Variants in TMEM59L observed in about 807,000 individuals in gnomAD.
TMEM59L encodes transmembrane protein 59-like.
Under a neutral mutation model 39.6 loss-of-function variants are expected in TMEM59L, and 31 were observed. The observed-to-expected ratio is 0.78, with a 90% CI of 0.59 to 1.06. The LOEUF (loss-of-function observed/expected upper bound fraction) is 1.06, where lower values mean the gene tolerates loss of function less well. TMEM59L is among the 50% of genes least tolerant of loss of function. The pLI is 0.00. For synonymous variants in TMEM59L, 219 were observed against 202.9 expected (o/e 1.08, Z -0.68); for missense variants, 441 against 451.3 (o/e 0.98, Z 0.21).
Position 18,613,925 on chromosome 19 carries a change from C to A in TMEM59L, c.225C>A (p.Ser75Arg). 1 of 1,613,126 alleles carries A rather than the reference C, an allele frequency of 6.2e-7. No individual in the cohort carries two copies. The highest frequency in any genetic ancestry group is 1.1e-5 in the South Asian group (1 of 91,078). ...CCTATGACAGAGCCGTTCTGATCAG[C>A]GCTTGCGAGCGTGGCTGCCGCCTCT... is the stretch of plus-strand genomic sequence containing the variant. ...ESPYDRAVLI[S>R]ACERGCRLFS... Residue 75 changes from serine (S) to arginine (R), a missense_variant, in exon 2 of 8, where the codon AGC becomes AGA. Coordinates refer to ENST00000262817, the MANE Select transcript of TMEM59L (RefSeq NM_012109.3).
Position 18,618,467 on chromosome 19 carries a change from C to A in TMEM59L, c.875C>A (p.Ala292Glu). Residue 292 changes from alanine to glutamate, a missense_variant, in exon 7 of 8, where the codon GCG becomes GAG. By Grantham distance (107) the Ala-to-Glu change is moderately radical. Transcript: ENST00000262817. ...LWLSCSTLVTAPGQHLKFQPL... is the reference protein window; with the variant it reads ...LWLSCSTLVTEPGQHLKFQPL... ...CTGAGCTGCTCCACCCTGGTGACCG[C>A]GCCTGGCCAGCACCTCAAGTTCCAG... 6.2e-7 allele frequency: 1 copy of A among 1,604,878 alleles called. No homozygotes were observed. Among genetic ancestry groups the A allele is most frequent in the Non-Finnish European group, 8.5e-7 (1 of 1,177,916 alleles).
chr19:18,613,191 G>T, intron 1 of TMEM59L, 62 bp downstream of exon 1: 2 of 1,238,280 alleles, frequency 1.6e-6, no homozygotes, highest in Non-Finnish European at 2.0e-6. Context: ...AGGAGGAGGC[G>T]TTGGGATGGG....
intron 5 of TMEM59L, chr19:18,617,606 C>T (rs1186304489): frequency 6.6e-6 from 3 of 455,990 alleles, no homozygotes; most frequent in South Asian, 3.1e-5. Context: ...TAGGGTCCAT[C>T]TCCAAGGGTT....
At chr19:18,618,515 G>A (rs370701150) in intron 7 of TMEM59L, 23 bp downstream of exon 7, 122 of 1,589,088 alleles carry the variant, frequency 7.7e-5, no homozygotes, top group Non-Finnish European at 9.8e-5. Context: ...TGTGAATGGC[G>A]CTGGGCCGAG....
chr19:18,618,201 C>T lies in TMEM59L; in HGVS notation c.711C>T (p.Val237=), dbSNP rs1976451999. Residue 237 remains valine, a synonymous_variant, in exon 6 of 8, where the codon GTC becomes GTT. Transcript: ENST00000262817. ...AGGTGAGGAAGGCCAAGATCCGAGT[C>T]AAGACCAGCAGCAAGGCCAAGGTGG... The part of the protein sequence containing the change: ...LDKVRKAKIR[V]KTSSKAKVES... 1.9e-6 allele frequency: 3 copies of T among 1,611,702 alleles called. No individual in the cohort carries two copies. The highest frequency in any genetic ancestry group is 2.5e-6 in the Non-Finnish European group (3 of 1,179,868).
At chr19:18,617,907 C>T (rs1235071030) in intron 5 of TMEM59L, 1 of 560,140 alleles carries the variant, frequency 1.8e-6, no homozygotes, top group Non-Finnish European at 3.2e-6. Context: ...TGGTCTATCT[C>T]TCAGGGTTCC....
chr19:18,620,503 C>T lies in TMEM59L; in HGVS notation c.996C>T (p.Pro332=). 6.2e-7 allele frequency: 1 copy of T among 1,613,826 alleles called. No individual in the cohort carries two copies. Among genetic ancestry groups the T allele is most frequent in the Non-Finnish European group, 8.5e-7 (1 of 1,179,976 alleles). The change falls in exon 8 of 8, where the codon CCC becomes CCT. Residue 332 remains proline (P), a synonymous_variant. Coordinates refer to ENST00000262817, the MANE Select transcript of TMEM59L (RefSeq NM_012109.3). ...PSHACEDSLP[P]YKLKLDLTKL ...ACGCCTGTGAGGACAGCCTACCACC[C>T]TACAAGCTGAAGCTGGACCTGACCA...
rs1976404532 is a variant in TMEM59L at position 18,614,215 on chromosome 19, C to T, written c.408+20C>T. On this transcript the variant is annotated intron_variant, in intron 3 of 7. Coordinates refer to ENST00000262817, the MANE Select transcript of TMEM59L (RefSeq NM_012109.3). ...CAGAAGGTGGGCCTCCCACTGCGGC[C>T]TGGGGTCCCTTTTCCCAATACCCCC... 6.4e-7 allele frequency: 1 copy of T among 1,569,856 alleles called. No individual in the cohort carries two copies. Among genetic ancestry groups the T allele is most frequent in the Admixed American group, 1.9e-5 (1 of 53,710 alleles).
At chr19:18,618,115 C>CAA in intron 5 of TMEM59L, 40 bp from the exon 6 acceptor site, 1 of 1,526,426 alleles carries the variant, frequency 6.6e-7, no homozygotes, top group Non-Finnish European at 9.1e-7. Context: ...GGCCTCTTAG[C>CAA]AAAGACCTGG....
At chr19:18,613,847 A>G in intron 1 of TMEM59L, 25 bp from the exon 2 acceptor site, 1 of 1,502,876 alleles carries the variant, frequency 6.7e-7, no homozygotes, top group Non-Finnish European at 9.1e-7. Flanking sequence ...CCATGGCCTG[A>G]GCCCCCTGTC....
intron 4 of TMEM59L, 28 bp downstream of exon 4, chr19:18,616,155 G>C (rs1297735717): frequency 1.2e-6 from 2 of 1,612,092 alleles, no homozygotes; most frequent in Non-Finnish European, 8.5e-7. Flanking sequence ...GGCCACGCCA[G>C]AGTGGCAGAT....
chr19:18,613,823 C>A, intron 1 of TMEM59L, 49 bp from the exon 2 acceptor site: 5 of 1,421,834 alleles, frequency 3.5e-6, no homozygotes, highest in South Asian at 1.2e-5. Context: ...CCCCCACCCT[C>A]CTCCTGCCCC....
At chr19:18,617,481 A>G (rs1239658311) in intron 5 of TMEM59L, 2 of 464,040 alleles carry the variant, frequency 4.3e-6, no homozygotes, top group Admixed American at 2.3e-5. Flanking sequence ...CCAGGGATCC[A>G]TGGTTCACTT....
intron 4 of TMEM59L, among the ~76,000 whole-genome samples, chr19:18,616,373 C>T (rs139435478): frequency 4.5e-4 from 55 of 122,156 alleles, no homozygotes; most frequent in South Asian, 1.3e-3. Flanking sequence ...AGGTTACAAA[C>T]GCTGTGGTTT....
chr19:18,618,254 T>C lies in TMEM59L; in HGVS notation c.764T>C (p.Phe255Ser). Residue 255 changes from phenylalanine (F) to serine (S), a missense_variant, in exon 6 of 8, where the codon TTC becomes TCC. Phe to Ser is a radical substitution (Grantham distance 155). Transcript: ENST00000262817. ...TCTGAAGAGCCACAGGACAATGACT[T>C]CCTCAGTTGCATGTCCCGGTGGGTG... ...VESEEPQDND[F>S]LSCMSRRSGL... 7.3e-7 allele frequency: 1 copy of C among 1,371,456 alleles called. No individual in the cohort carries two copies. The highest frequency in any genetic ancestry group is 9.7e-7 in the Non-Finnish European group (1 of 1,031,812). The allele number at this position is 1,371,456 out of a possible 1,614,324, so 85.0% of individuals were successfully genotyped here. A position where few individuals can be genotyped will look rare whatever the true frequency, so the allele number is the denominator to read the frequency against.
chr19:18,613,759 A>T, intron 1 of TMEM59L, 113 bp from the exon 2 acceptor site: 1 of 781,826 alleles, frequency 1.3e-6, no homozygotes, highest in Non-Finnish European at 2.1e-6. Flanking sequence ...CCATCTGGCT[A>T]GATGTCGTGG....
rs775829778 is a variant in TMEM59L, at chr19:18,620,407, G to C, written c.901-1G>C. The C allele has an allele frequency of 5.6e-6, 9 of 1,610,324 alleles. No homozygotes were observed. The highest frequency in any genetic ancestry group is 5.3e-5 in the African/African-American group (4 of 74,886). ...TTCCCTCCTCCCCTCTCTTCCTGCA[G>C]CCTCTGACCCTGGAGCAGCACAAGG... On this transcript the variant is annotated splice_acceptor_variant, in intron 7 of 7. Coordinates refer to ENST00000262817, the MANE Select transcript of TMEM59L (RefSeq NM_012109.3). LOFTEE classifies it high-confidence loss of function.
At chr19:18,618,646 CGTGTGTGTGTGT>C (rs10580494) in intron 7 of TMEM59L, among the ~76,000 whole-genome samples, 154 bp downstream of exon 7, 10 of 125,290 alleles carry the variant, frequency 8.0e-5, no homozygotes, top group African/African-American at 1.9e-4. Context: ...TATACATATA[CGTGTGTGTGTGT>C]GTGTGTGTGT....
intron 4 of TMEM59L, 138 bp downstream of exon 4, chr19:18,616,265 A>T: frequency 1.0e-6 from 1 of 976,964 alleles, no homozygotes; most frequent in Non-Finnish European, 1.5e-6. Flanking sequence ...CCAGGGGCTC[A>T]GTGTCTCACT....
Sources: gnomAD v4.1 joint callset for allele counts (sites outside exome capture counted in the v4.1 genomes callset) on GRCh38, gnomAD v4.1.1 for gene constraint, MANE v1.5 for transcripts, NCBI Gene and HGNC (gene_info 2026-07-23, HGNC 2026-07-21) for gene names.